COBL: variants seen among roughly 807,000 people sequenced by gnomAD.
The protein encoded by COBL is protein cordon-bleu.
In COBL, 51 loss-of-function variants were observed where a neutral mutation model predicts 98.8. The observed-to-expected ratio is 0.52, with a 90% confidence interval of 0.41 to 0.65. The LOEUF (loss-of-function observed/expected upper bound fraction) is 0.65, where lower values mean the gene tolerates loss of function less well. Ranked by LOEUF, COBL falls within the 30% of genes least tolerant of loss-of-function variation. The pLI, the probability that COBL is intolerant of heterozygous loss-of-function variation, is 0.00. For synonymous variants in COBL, 634 were observed against 651.7 expected, an observed-to-expected ratio of 0.97 and a Z score of 0.41; for missense variants, 1,617 against 1,617.5, an observed-to-expected ratio of 1.00 and a Z score of 0.01.
At chr7:51,099,964 C>T (rs187874070) in intron 6 of COBL, among the ~76,000 whole-genome samples, 30 of 152,232 alleles carry the variant, frequency 2.0e-4, no homozygotes, top group African/African-American at 6.7e-4. Context: ...CTTTTAGAAG[C>T]CCTGACTCGA....
chr7:51,312,255 G>A (rs571825026), intron 1 of COBL, among the ~76,000 whole-genome samples: 17 of 152,096 alleles, frequency 1.1e-4, no homozygotes, highest in African/African-American at 3.1e-4. Context: ...CGCTTGAACC[G>A]AGGAAGTGGA....
At chr7:51,148,415 T>C (rs936938744) in intron 5 of COBL, among the ~76,000 whole-genome samples, 2 of 152,196 alleles carry the variant, frequency 1.3e-5, no homozygotes, top group African/African-American at 4.8e-5. Flanking sequence ...TGCTATTCAA[T>C]GTCTCCCTCT....
intron 1 of COBL, among the ~76,000 whole-genome samples, chr7:51,286,895 T>C (rs1384054248): frequency 1.3e-5 from 2 of 152,148 alleles, no homozygotes; most frequent in Non-Finnish European, 2.9e-5. Flanking sequence ...TAAAAAAATA[T>C]GGTACATATA....
At chr7:51,301,154 G>A (rs563158051) in intron 1 of COBL, among the ~76,000 whole-genome samples, 12 of 152,106 alleles carry the variant, frequency 7.9e-5, no homozygotes, top group East Asian at 1.9e-4. Context: ...GGCTCCCTCC[G>A]GCGCTGCCCT....
intron 10 of COBL, 125 bp from the exon 11 acceptor site, chr7:51,026,790 C>T (rs1310892213): frequency 1.7e-5 from 21 of 1,201,316 alleles, no homozygotes; most frequent in African/African-American, 1.5e-4. Context: ...CCCATCTACT[C>T]GGGAGGCTGT....
chr7:51,199,430 T>C (rs576498331), intron 2 of COBL, among the ~76,000 whole-genome samples: 1 of 152,200 alleles, frequency 6.6e-6, no homozygotes, highest in South Asian at 2.1e-4. Flanking sequence ...TAGGTAAACA[T>C]AACACCACCA....
intron 4 of COBL, chr7:51,187,890 C>T (rs912560464): frequency 4.3e-5 from 53 of 1,231,532 alleles, no homozygotes; most frequent in Admixed American, 1.7e-4. Flanking sequence ...ACAGCGGGAG[C>T]GGGAAGCCCC....
intron 7 of COBL, among the ~76,000 whole-genome samples, chr7:51,050,780 TCTTGGAAGTGCC>T (rs1218585857): frequency 6.6e-6 from 1 of 152,198 alleles, no homozygotes; most frequent in African/African-American, 2.4e-5. Context: ...AAGATTAGTC[TCTTGGAAGTGCC>T]AGTTATGTGA....
At chr7:51,193,726 C>T (rs1584124276) in intron 2 of COBL, 137 bp from the exon 3 acceptor site, 1 of 721,682 alleles carries the variant, frequency 1.4e-6, no homozygotes, top group African/African-American at 1.8e-5. Context: ...ACAACAGAAG[C>T]TCATTAATTC....
chr7:51,184,832 G>C (rs1453954483), intron 4 of COBL, among the ~76,000 whole-genome samples: 1 of 152,144 alleles, frequency 6.6e-6, no homozygotes, highest in African/African-American at 2.4e-5. Flanking sequence ...AATTATGAGT[G>C]AGGTACAAAC....
Position 51,028,531 on chromosome 7 carries a change from T to C in COBL, c.2565A>G (p.Thr855=), listed in dbSNP as rs529941693. The change falls in exon 10 of 13, where the codon ACA becomes ACG. Residue 855 remains threonine (T), a synonymous_variant. Transcript: ENST00000265136. ...RVPAAHTTEV[T]FLKPQRRTSS... ...ACGTTCTTCTCTGAGGCTTGAGAAA[T>C]GTGACTTCTGTGGTGTGAGCTGCTG... 6.2e-7 allele frequency: 1 copy of C among 1,614,240 alleles called. No individual in the cohort carries two copies. Among genetic ancestry groups the C allele is most frequent in the South Asian group, 1.1e-5 (1 of 91,092 alleles).
chr7:51,083,100 C>A (rs977218463), intron 7 of COBL: 4 of 1,399,140 alleles, frequency 2.9e-6, no homozygotes, highest in African/African-American at 1.5e-5. Flanking sequence ...GCGCCTTCCC[C>A]GGGAAAGCTG....
chr7:51,043,643 CG>C lies in COBL; in HGVS notation c.1145del (p.Pro382ArgfsTer28). 6.2e-7 allele frequency: 1 copy of C among 1,614,160 alleles called. No individual in the cohort carries two copies. The highest frequency in any genetic ancestry group is 8.5e-7 in the Non-Finnish European group (1 of 1,180,042). On this transcript the variant is annotated frameshift_variant, in exon 8 of 13. Coordinates refer to ENST00000265136, the MANE Select transcript of COBL (RefSeq NM_015198.5). LOFTEE classifies it high-confidence loss of function. ...TCTCCTCCGCCTCTGACAGCACCTGCGGGGCTCCATCCGGGCTGCAGTGGCT... is the reference window on the plus strand; with the variant it reads ...TCTCCTCCGCCTCTGACAGCACCTGCGGGCTCCATCCGGGCTGCAGTGGCT... Reference protein sequence around the residue: ...SGSHCSPDGAPQVLSEAEETV... With the variant: ...SGSHCSPDGAXQVLSEAEETV...
chr7:51,106,190 C>T (rs1373149211), intron 6 of COBL, among the ~76,000 whole-genome samples: 7 of 113,622 alleles, frequency 6.2e-5, no homozygotes, highest in Middle Eastern at 6.5e-3. Flanking sequence ...GGTGACAGAG[C>T]GAGATGTCTC....
chr7:51,138,644 C>T (rs1159459881), intron 5 of COBL, among the ~76,000 whole-genome samples: 1 of 152,230 alleles, frequency 6.6e-6, no homozygotes, highest in African/African-American at 2.4e-5. Flanking sequence ...CTGACAGTGA[C>T]TGCACATGCA....
At chr7:51,269,475 G>A in intron 1 of COBL, among the ~76,000 whole-genome samples, 1 of 152,222 alleles carries the variant, frequency 6.6e-6, no homozygotes. Context: ...CTCACCTCCA[G>A]AGTCGGGCAC....
At chr7:51,056,835 A>G (rs930398604) in intron 7 of COBL, among the ~76,000 whole-genome samples, 12 of 150,618 alleles carry the variant, frequency 8.0e-5, no homozygotes, top group African/African-American at 3.0e-4. Context: ...ACACACACAC[A>G]CACACACACA....
intron 7 of COBL, among the ~76,000 whole-genome samples, chr7:51,058,993 T>C (rs952973144): frequency 7.2e-5 from 11 of 152,152 alleles, no homozygotes; most frequent in African/African-American, 2.4e-4. Context: ...AGACTGCACA[T>C]GTTAGGGTCA....
At chr7:51,271,904 C>T (rs1798797470) in intron 1 of COBL, among the ~76,000 whole-genome samples, 1 of 152,002 alleles carries the variant, frequency 6.6e-6, no homozygotes, top group African/African-American at 2.4e-5. Flanking sequence ...TGGCGTGTGC[C>T]TGTAATCCCA....
Sources: allele counts gnomAD v4.1 joint callset (sites outside exome capture counted in the v4.1 genomes callset), GRCh38; gene constraint gnomAD v4.1.1; transcripts MANE v1.5; gene names NCBI Gene and HGNC (gene_info 2026-07-23, HGNC 2026-07-21).